DIAPH2: variants seen among roughly 807,000 people sequenced by gnomAD.
DIAPH2 encodes diaphanous related formin 2, also known as protein diaphanous homolog 2.
A neutral mutation model predicts 92.7 loss-of-function variants in DIAPH2; 35 were observed. The ratio of observed to expected loss-of-function variants is 0.38; its 90% confidence interval spans 0.29 to 0.50. The LOEUF is 0.50. DIAPH2 is among the 20% of genes least tolerant of loss of function. The probability of loss-of-function intolerance (pLI) is 0.94; values close to 1 mark genes in which losing one functional copy is unlikely to be tolerated. For missense variants in DIAPH2, 701 were observed against 819.5 expected, an observed-to-expected ratio of 0.86 and a Z score of 1.77; for synonymous variants, 301 against 280.4, an observed-to-expected ratio of 1.07 and a Z score of -0.73.
chrX:97,489,685 G>A (rs2070712390), intron 26 of DIAPH2, among the ~76,000 whole-genome samples: 1 of 111,246 alleles, frequency 9.0e-6, no homozygotes, highest in Non-Finnish European at 1.9e-5. Context: ...TGCATCTATT[G>A]GGATGATTGT....
At position 97,114,767 on chromosome X, in the gene DIAPH2, C is replaced by A; in HGVS notation, c.2391C>A (p.Ile797=). 8.3e-7 allele frequency: 1 copy of A among 1,209,819 alleles called. No individual in the cohort carries two copies. Among genetic ancestry groups the A allele is most frequent in the South Asian group, 1.8e-5 (1 of 56,713 alleles). ...VKMLQPRLSS[I]LFKLTFEEHI... ...TGTTACAGCCTCGTCTCAGTAGTAT[C>A]CTGTTCAAGCTCACATTTGAAGAAC... The change falls in exon 21 of 27, where the codon ATC becomes ATA. Residue 797 remains isoleucine (I), a synonymous_variant. Coordinates refer to ENST00000324765, the MANE Select transcript of DIAPH2 (RefSeq NM_006729.5).
Position 96,945,231 on chromosome X carries a change from G to A in DIAPH2, c.1445-296G>A, listed in dbSNP as rs182366844. Among the ~76,000 whole-genome samples, 657 of 110,763 alleles carry A rather than the reference G, an allele frequency of 5.9e-3. 11 individuals carry two copies. The highest frequency in any genetic ancestry group is 0.02 in the African/African-American group (622 of 30,631). Reference sequence around the variant, plus strand: ...ACCTCTCCACCCATAATAAACCATAGGATTCTGAAGTGTTTTGTAGTTCAA... The same window carrying A: ...ACCTCTCCACCCATAATAAACCATAAGATTCTGAAGTGTTTTGTAGTTCAA... On this transcript the variant is annotated intron_variant, in intron 13 of 26. Coordinates refer to ENST00000324765, the MANE Select transcript of DIAPH2 (RefSeq NM_006729.5).
At chrX:96,811,014 T>G (rs989173951) in intron 4 of DIAPH2, among the ~76,000 whole-genome samples, 6 of 112,001 alleles carry the variant, frequency 5.4e-5, no homozygotes, top group Non-Finnish European at 1.1e-4. Flanking sequence ...TCTTTTTTGG[T>G]TCCATATGAA....
At chrX:97,233,994 G>A (rs969559269) in intron 22 of DIAPH2, among the ~76,000 whole-genome samples, 2 of 110,421 alleles carry the variant, frequency 1.8e-5, no homozygotes, top group African/African-American at 3.3e-5. Context: ...GCAAAGAATT[G>A]TTGTAAGGAG....
chrX:97,235,037 T>C (rs1456605688), intron 22 of DIAPH2, among the ~76,000 whole-genome samples: 1 of 112,703 alleles, frequency 8.9e-6, no homozygotes, highest in Non-Finnish European at 1.9e-5. Flanking sequence ...GCCAGAACAC[T>C]TGAAAGTCTC....
intron 1 of DIAPH2, among the ~76,000 whole-genome samples, chrX:96,710,160 T>C (rs1268367784): frequency 3.6e-5 from 4 of 111,455 alleles, no homozygotes; most frequent in African/African-American, 1.3e-4. Context: ...GGATTTTTGT[T>C]TGGGAGGTTG....
At chrX:97,088,642 A>G (rs1282906250) in intron 19 of DIAPH2, among the ~76,000 whole-genome samples, 1 of 111,948 alleles carries the variant, frequency 8.9e-6, no homozygotes, top group East Asian at 2.8e-4. Flanking sequence ...AGATTTACAG[A>G]TTTCCCTTTC....
At chrX:96,706,068 G>A (rs1263627790) in intron 1 of DIAPH2, among the ~76,000 whole-genome samples, 1 of 112,393 alleles carries the variant, frequency 8.9e-6, no homozygotes, top group Non-Finnish European at 1.9e-5. Flanking sequence ...AGAATTGGGA[G>A]TTTGTACACA....
At chrX:97,566,363 T>G (rs2071327489) in intron 26 of DIAPH2, among the ~76,000 whole-genome samples, 1 of 111,922 alleles carries the variant, frequency 8.9e-6, no homozygotes, top group Admixed American at 9.5e-5. Context: ...ATCGTATATA[T>G]GTATTAAATG....
intron 23 of DIAPH2, among the ~76,000 whole-genome samples, chrX:97,297,604 CTTT>C (rs11356320): frequency 8.2e-5 from 6 of 72,915 alleles, no homozygotes; most frequent in Middle Eastern, 7.8e-3. Flanking sequence ...TTTTAGTGCA[CTTT>C]TTTTTTTTTT....
chrX:96,711,009 G>A (rs1181047672), intron 1 of DIAPH2, among the ~76,000 whole-genome samples: 2 of 112,161 alleles, frequency 1.8e-5, no homozygotes, highest in Admixed American at 1.9e-4. Context: ...TGCTGCAAAT[G>A]CCATTATTTC....
At chrX:97,070,741 C>T in intron 17 of DIAPH2, among the ~76,000 whole-genome samples, 1 of 111,392 alleles carries the variant, frequency 9.0e-6, no homozygotes, top group East Asian at 2.8e-4. Context: ...TTTTCGAACC[C>T]AGGATTTAAG....
chrX:96,746,513 A>G (rs186600698), intron 3 of DIAPH2, among the ~76,000 whole-genome samples: 61 of 108,726 alleles, frequency 5.6e-4, no homozygotes, highest in Admixed American at 1.2e-3. Flanking sequence ...TACTCCTTCC[A>G]TGTTATTATT....
At chrX:97,085,659 C>T (rs751182863) in intron 19 of DIAPH2, among the ~76,000 whole-genome samples, 2 of 111,174 alleles carry the variant, frequency 1.8e-5, no homozygotes, top group African/African-American at 6.5e-5. Context: ...TCAGGTGATC[C>T]GCCTGCCTCG....
chrX:97,455,240 A>C (rs1319329377), intron 26 of DIAPH2, among the ~76,000 whole-genome samples: 2 of 111,680 alleles, frequency 1.8e-5, no homozygotes, highest in African/African-American at 6.5e-5. Context: ...CTCAACAGCT[A>C]TTTGTCCTAT....
intron 22 of DIAPH2, among the ~76,000 whole-genome samples, chrX:97,246,192 G>T (rs1432044539): frequency 1.8e-5 from 2 of 110,304 alleles, no homozygotes; most frequent in African/African-American, 6.6e-5. Context: ...GGGATTACAG[G>T]TGTGAGCCAC....
chrX:97,417,860 A>G (rs1405544707), intron 25 of DIAPH2, among the ~76,000 whole-genome samples: 1 of 109,343 alleles, frequency 9.1e-6, no homozygotes, highest in African/African-American at 3.3e-5. Context: ...ATACATACCT[A>G]TGATAAAGTT....
chrX:96,869,154 G>A (rs1287197439), intron 4 of DIAPH2, among the ~76,000 whole-genome samples: 1 of 110,530 alleles, frequency 9.0e-6, no homozygotes, highest in African/African-American at 3.3e-5. Context: ...CATTTTTGGG[G>A]GAGCAGAGAC....
At chrX:96,763,669 G>T (rs752208268) in intron 4 of DIAPH2, among the ~76,000 whole-genome samples, 11 of 111,528 alleles carry the variant, frequency 9.9e-5, no homozygotes, top group Admixed American at 6.7e-4. Flanking sequence ...GAAATGATTA[G>T]CTGAAATTAT....
Sources: gnomAD v4.1 joint callset for allele counts (sites outside exome capture counted in the v4.1 genomes callset) on GRCh38, gnomAD v4.1.1 for gene constraint, MANE v1.5 for transcripts, NCBI Gene and HGNC (gene_info 2026-07-23, HGNC 2026-07-21) for gene names.